The following LRRC4C variants were observed in gnomAD, a reference collection of about 807,000 sequenced individuals.
The protein encoded by LRRC4C is leucine-rich repeat-containing protein 4C.
In LRRC4C, 5 loss-of-function variants were observed where a neutral mutation model predicts 33.6. The observed-to-expected ratio is 0.15, with a 90% confidence interval of 0.08 to 0.31. The LOEUF is 0.31. Among genes scored for constraint, LRRC4C ranks in the 10% least tolerant of loss-of-function variants. The pLI, the probability that LRRC4C is intolerant of heterozygous loss-of-function variation, is 1.00. For synonymous variants in LRRC4C, 329 were observed against 302.0 expected (o/e 1.09, Z -0.93); for missense variants, 560 against 796.7 (o/e 0.70, Z 3.58).
chr11:40,346,571 G>A (rs987995165), intron 3 of LRRC4C, among the ~76,000 whole-genome samples: 3 of 152,182 alleles, frequency 2.0e-5, no homozygotes, highest in African/African-American at 4.8e-5. Flanking sequence ...TAGGAGGAGG[G>A]AGAGGATCAG....
intron 3 of LRRC4C, among the ~76,000 whole-genome samples, chr11:40,437,853 A>T (rs1487716380): frequency 6.6e-6 from 1 of 152,128 alleles, no homozygotes; most frequent in African/African-American, 2.4e-5. Context: ...GACTACAGGC[A>T]CATGCCACCA....
intron 1 of LRRC4C, among the ~76,000 whole-genome samples, chr11:41,415,781 C>T (rs1954655357): frequency 6.6e-6 from 1 of 152,082 alleles, no homozygotes; most frequent in South Asian, 2.1e-4. Context: ...TGCTTCTAAA[C>T]CTCATAATGT....
intron 1 of LRRC4C, among the ~76,000 whole-genome samples, chr11:41,116,755 C>A (rs560588203): frequency 1.3e-5 from 2 of 152,056 alleles, no homozygotes; most frequent in African/African-American, 2.4e-5. Flanking sequence ...ACTCTACCCC[C>A]AGGAATTTAT....
At position 40,339,792 on chromosome 11, in the gene LRRC4C, A is replaced by G. The variant is rs185412470; in HGVS notation, c.-269-20071T>C. ...CAGTTGAAAAGACCTTATCAATTGT[A>G]ATAATATTAATTTCTTCTCTCCTTT... On this transcript the variant is annotated intron_variant, in intron 3 of 6. Coordinates refer to ENST00000528697, the MANE Select transcript of LRRC4C (RefSeq NM_001258419.2). Among the ~76,000 whole-genome samples, 47 of 152,328 alleles carry G rather than the reference A, an allele frequency of 3.1e-4. 1 individual carries two copies. Among genetic ancestry groups the G allele is most frequent in the Admixed American group, 3.9e-4 (6 of 15,290 alleles).
At chr11:40,321,497 T>G (rs1405796325) in intron 3 of LRRC4C, among the ~76,000 whole-genome samples, 1 of 152,240 alleles carries the variant, frequency 6.6e-6, no homozygotes, top group African/African-American at 2.4e-5. Context: ...AATTCTCCTT[T>G]TATAGATTAA....
chr11:40,360,736 C>T (rs1049896896), intron 3 of LRRC4C, among the ~76,000 whole-genome samples: 3 of 152,058 alleles, frequency 2.0e-5, no homozygotes, highest in African/African-American at 7.2e-5. Context: ...GGACTCCTCC[C>T]TAACTCATTC....
At chr11:41,333,832 C>T (rs189881178) in intron 1 of LRRC4C, among the ~76,000 whole-genome samples, 1 of 152,240 alleles carries the variant, frequency 6.6e-6, no homozygotes, top group Non-Finnish European at 1.5e-5. Flanking sequence ...GTTGCAAATG[C>T]TAATTAGAAA....
chr11:41,332,861 C>A (rs1951338766), intron 1 of LRRC4C, among the ~76,000 whole-genome samples: 1 of 152,086 alleles, frequency 6.6e-6, no homozygotes, highest in African/African-American at 2.4e-5. Context: ...ATAAGGCATA[C>A]TACATGAATA....
intron 2 of LRRC4C, among the ~76,000 whole-genome samples, chr11:40,888,610 T>C (rs1373278182): frequency 6.6e-6 from 1 of 151,970 alleles, no homozygotes; most frequent in Non-Finnish European, 1.5e-5. Context: ...AACTTTCCCA[T>C]AAAAAGAATT....
chr11:40,240,758 C>A (rs891611957), intron 5 of LRRC4C, among the ~76,000 whole-genome samples: 1 of 152,032 alleles, frequency 6.6e-6, no homozygotes, highest in Non-Finnish European at 1.5e-5. Context: ...TTTATGTGAT[C>A]TGAACATTTT....
chr11:40,734,660 C>G (rs574013065), intron 2 of LRRC4C, among the ~76,000 whole-genome samples: 1 of 151,900 alleles, frequency 6.6e-6, no homozygotes, highest in Non-Finnish European at 1.5e-5. Context: ...TATGACTAAC[C>G]GGGAGACAAA....
At chr11:40,820,340 A>G (rs1227467416) in intron 2 of LRRC4C, among the ~76,000 whole-genome samples, 1 of 152,014 alleles carries the variant, frequency 6.6e-6, no homozygotes, top group African/African-American at 2.4e-5. Context: ...TTTTTTCAGA[A>G]ATGAAAATTC....
At chr11:41,150,669 A>G (rs1205193799) in intron 1 of LRRC4C, among the ~76,000 whole-genome samples, 3 of 151,842 alleles carry the variant, frequency 2.0e-5, no homozygotes, top group Non-Finnish European at 4.4e-5. Flanking sequence ...GCTTGCCTAT[A>G]TCCCAGCTAC....
At chr11:40,456,324 A>T (rs1565406772) in intron 3 of LRRC4C, among the ~76,000 whole-genome samples, 1 of 152,188 alleles carries the variant, frequency 6.6e-6, no homozygotes, top group Non-Finnish European at 1.5e-5. Context: ...CTATCTAAAA[A>T]CATATGAGAT....
chr11:40,989,791 T>A (rs924387815), intron 1 of LRRC4C, among the ~76,000 whole-genome samples: 12 of 152,070 alleles, frequency 7.9e-5, no homozygotes, highest in Admixed American at 6.6e-5. Flanking sequence ...ATTTAATGTG[T>A]TTTAAAGGTA....
At chr11:40,903,954 A>C (rs1463370873) in intron 2 of LRRC4C, among the ~76,000 whole-genome samples, 1 of 151,960 alleles carries the variant, frequency 6.6e-6, no homozygotes, top group Non-Finnish European at 1.5e-5. Context: ...AAAATTAAAA[A>C]ATATATATTT....
At chr11:41,394,946 T>C (rs773972591) in intron 1 of LRRC4C, 3 of 152,018 alleles carry the variant, frequency 2.0e-5, no homozygotes, top group Admixed American at 6.6e-5. Flanking sequence ...AAGCCTTTTA[T>C]ACTCTAACTG....
chr11:40,346,655 A>G (rs1477965475), intron 3 of LRRC4C, among the ~76,000 whole-genome samples: 1 of 152,172 alleles, frequency 6.6e-6, no homozygotes, highest in African/African-American at 2.4e-5. Flanking sequence ...CCCACGATAC[A>G]AGTTTACCTA....
chr11:41,333,353 A>G (rs1431472410), intron 1 of LRRC4C, among the ~76,000 whole-genome samples: 1 of 152,196 alleles, frequency 6.6e-6, no homozygotes, highest in Non-Finnish European at 1.5e-5. Flanking sequence ...ATGAACTAGA[A>G]TATCAGTGAA....
Sources: allele counts gnomAD v4.1 joint callset (sites outside exome capture counted in the v4.1 genomes callset), GRCh38; gene constraint gnomAD v4.1.1; transcripts MANE v1.5; gene names NCBI Gene and HGNC (gene_info 2026-07-23, HGNC 2026-07-21).